The following CEP44 variants were observed in gnomAD, a reference collection of about 807,000 sequenced individuals.
CEP44 encodes the protein centrosomal protein 44.
CEP44 carries 45 observed loss-of-function variants against 46.7 expected under a neutral mutation model. The observed-to-expected ratio is 0.96, with a 90% CI of 0.76 to 1.24. The LOEUF (loss-of-function observed/expected upper bound fraction) is 1.24, where lower values mean the gene tolerates loss of function less well. Ranked by LOEUF, CEP44 falls within the 50% of genes most tolerant of loss-of-function variation. The pLI is 0.00. For synonymous variants in CEP44, 142 were observed against 146.0 expected (o/e 0.97, Z 0.20); for missense variants, 475 against 459.7 (o/e 1.03, Z -0.30).
At chr4:174,303,410 T>C (rs1739988774) in intron 4 of CEP44, among the ~76,000 whole-genome samples, 1 of 152,228 alleles carries the variant, frequency 6.6e-6, no homozygotes, top group Admixed American at 6.5e-5. Flanking sequence ...GTTTTTCTAA[T>C]ATCTCTGAAG....
At position 174,286,790 on chromosome 4, in the gene CEP44, G is replaced by A. The variant is rs1486670121; in HGVS notation, c.-148+2847G>A. 3.3e-5 allele frequency among the ~76,000 whole-genome samples: 5 copies of A among 152,084 alleles called. No homozygotes were observed. Among genetic ancestry groups the A allele is most frequent in the Non-Finnish European group, 7.4e-5 (5 of 67,992 alleles). On this transcript the variant is annotated intron_variant, in intron 1 of 11. Transcript: ENST00000503780. This position sits in a 1 kb window ranked among gnomAD's most constrained non-coding sequence, Gnocchi z 5.2. Reference sequence around the variant, plus strand: ...CAGTTTTTAAAAAATGAATCATTTTGTTTAAAGTCTCAGTTCGTTCAAATC... The same window carrying A: ...CAGTTTTTAAAAAATGAATCATTTTATTTAAAGTCTCAGTTCGTTCAAATC...
chr4:174,302,990 C>T (rs1027793461), intron 4 of CEP44, among the ~76,000 whole-genome samples: 21 of 152,014 alleles, frequency 1.4e-4, no homozygotes, highest in African/African-American at 4.6e-4. Context: ...CCATGTTGGC[C>T]AGGATGGTCT....
intron 6 of CEP44, among the ~76,000 whole-genome samples, chr4:174,306,241 G>A (rs544902048): frequency 5.2e-4 from 79 of 152,002 alleles, no homozygotes; most frequent in African/African-American, 1.7e-3. Context: ...GGACTTCTTC[G>A]TTGTCATTAT....
Position 174,303,781 on chromosome 4 carries a change from A to G in CEP44, c.316A>G (p.Ile106Val). 2 of 1,575,978 alleles carry G rather than the reference A, an allele frequency of 1.3e-6. No homozygotes were observed. Among genetic ancestry groups the G allele is most frequent in the Non-Finnish European group, 1.7e-6 (2 of 1,151,600 alleles). Residue 106 changes from isoleucine to valine, a missense_variant, in exon 5 of 12, where the codon ATC becomes GTC. Transcript: ENST00000503780. ...FIQCGFAEWK[I>V]QIVCDILNCV... ...CCAATGTGGGTTTGCAGAATGGAAA[A>G]TCCAAATTGTTTGTGATATTTTGAA...
chr4:174,296,856 G>A (rs960750643), intron 1 of CEP44, among the ~76,000 whole-genome samples: 20 of 141,740 alleles, frequency 1.4e-4, no homozygotes, highest in African/African-American at 3.7e-4. Flanking sequence ...TATATTTCTC[G>A]TTGTGGTTCT....
Position 174,319,965 on chromosome 4 carries a change from A to G in CEP44, c.*2582A>G, listed in dbSNP as rs943143249. On this transcript the variant is annotated 3_prime_UTR_variant, in exon 12 of 12. Transcript: ENST00000503780. ...GAAGCAGGGGAGTTCTGAAGAGATT[A>G]CCTAGAGCTACATAACCCTAAGTTA... 1.0e-6 allele frequency: 1 copy of G among 985,018 alleles called. No homozygotes were observed. The highest frequency in any genetic ancestry group is 1.2e-6 in the Non-Finnish European group (1 of 829,688). 61.0% of individuals were successfully genotyped at this position (985,018 alleles called of 1,614,324 possible).
At chr4:174,316,664 A>G (rs1231564275) in intron 11 of CEP44, 97 bp downstream of exon 11, 3 of 1,122,336 alleles carry the variant, frequency 2.7e-6, no homozygotes, top group Non-Finnish European at 3.8e-6. Flanking sequence ...TTCAAACCTT[A>G]AAGGTCTCTC....
intron 4 of CEP44, among the ~76,000 whole-genome samples, chr4:174,302,786 T>A (rs2126592931): frequency 6.6e-6 from 1 of 150,944 alleles, no homozygotes; most frequent in Admixed American, 6.6e-5. Context: ...GTAGTCTATT[T>A]TTTTTTTTTT....
In CEP44 at chr4:174,329,061, A is replaced by G. The variant is rs181022328; in HGVS notation, c.1087-2421A>G. Reference sequence around the variant, plus strand: ...CCCTTGGCTCAAGCAATCCTCCCACAGCAGCCACGTGAGTAGCCAGAACTA... The same window carrying G: ...CCCTTGGCTCAAGCAATCCTCCCACGGCAGCCACGTGAGTAGCCAGAACTA... On this transcript the variant is annotated intron_variant, in intron 8 of 8. Transcript: ENST00000426172. This position sits in a 1 kb window ranked among gnomAD's most constrained non-coding sequence, Gnocchi z 4.0. Among the ~76,000 whole-genome samples, 13 of 152,184 alleles carry G rather than the reference A, an allele frequency of 8.5e-5. No individual in the cohort carries two copies. The highest frequency in any genetic ancestry group is 2.9e-4 in the African/African-American group (12 of 41,534).
chr4:174,310,620 C>G lies in CEP44; in HGVS notation c.886-163C>G, dbSNP rs1182880961. ...ATCTGCTTCCATATTTAAAACATTTCTTATATGTAGGAATATGCAGTATAT... is the reference window on the plus strand; with the variant it reads ...ATCTGCTTCCATATTTAAAACATTTGTTATATGTAGGAATATGCAGTATAT... On this transcript the variant is annotated intron_variant, in intron 8 of 11. Coordinates refer to ENST00000503780, the MANE Select transcript of CEP44 (RefSeq NM_001040157.3). The surrounding 1 kb of genome is among the most constrained non-coding windows in gnomAD (Gnocchi z 4.2). Among the ~76,000 whole-genome samples the G allele has an allele frequency of 4.0e-5, 6 of 151,658 alleles. 1 individual carries two copies. In the South Asian group the frequency reaches 8.3e-4, roughly 21 times the overall value.
intron 1 of CEP44, among the ~76,000 whole-genome samples, chr4:174,289,756 T>C (rs939935937): frequency 6.6e-6 from 1 of 152,132 alleles, no homozygotes; most frequent in Non-Finnish European, 1.5e-5. Flanking sequence ...CTTTATTATT[T>C]TCTTCCTTCT....
chr4:174,304,339 T>G lies in CEP44; in HGVS notation c.477T>G (p.Asp159Glu). ...TATCTGCAGAGGCTGTTGGCGTTGA[T>G]ATCAGTGGCAGGTTTATGACCTCAG... ...EKISAEAVGVDISGRFMTSGK... is the reference protein window; with the variant it reads ...EKISAEAVGVEISGRFMTSGK... The change falls in exon 6 of 12, where the codon GAT becomes GAG. Residue 159 changes from aspartate to glutamate, a missense_variant. Physicochemically the swap from Asp to Glu is conservative, Grantham distance 45. Transcript: ENST00000503780. 1 of 1,612,084 alleles carries G rather than the reference T, an allele frequency of 6.2e-7. No homozygotes were observed. Among genetic ancestry groups the G allele is most frequent in the Non-Finnish European group, 8.5e-7 (1 of 1,179,416 alleles).
In CEP44 at chr4:174,314,628, C is replaced by G. The variant is rs1477236982; in HGVS notation, c.962-1538C>G. Reference sequence around the variant, plus strand: ...TTATCTGTCTTCCCGGACCTGTTTCCTTTTCCTAGGGCCCCCTCCTCTTTT... The same window carrying G: ...TTATCTGTCTTCCCGGACCTGTTTCGTTTTCCTAGGGCCCCCTCCTCTTTT... On this transcript the variant is annotated intron_variant, in intron 9 of 11. Coordinates refer to ENST00000503780, the MANE Select transcript of CEP44 (RefSeq NM_001040157.3). The surrounding 1 kb of genome is among the most constrained non-coding windows in gnomAD (Gnocchi z 4.1). 6.6e-6 allele frequency among the ~76,000 whole-genome samples: 1 copy of G among 152,040 alleles called. No individual in the cohort carries two copies. Among genetic ancestry groups the G allele is most frequent in the Non-Finnish European group, 1.5e-5 (1 of 68,036 alleles).
At chr4:174,299,048 T>C in intron 2 of CEP44, 24 bp from the exon 3 acceptor site, 1 of 1,307,596 alleles carries the variant, frequency 7.6e-7, no homozygotes, top group South Asian at 1.3e-5. Context: ...ACTTAACCAG[T>C]ATTTCATGGA....
At chr4:174,327,552 T>A (rs1689254238) in intron 8 of CEP44, among the ~76,000 whole-genome samples, 1 of 152,000 alleles carries the variant, frequency 6.6e-6, no homozygotes, top group Non-Finnish European at 1.5e-5. Context: ...ATTTCCTAAT[T>A]GTAGCAATTA....
In CEP44 at chr4:174,329,673, T is replaced by C. The variant is rs1420446616; in HGVS notation, c.1087-1809T>C. 6.6e-6 allele frequency among the ~76,000 whole-genome samples: 1 copy of C among 152,184 alleles called. No homozygotes were observed. Among genetic ancestry groups the C allele is most frequent in the Non-Finnish European group, 1.5e-5 (1 of 68,014 alleles). ...TTCAAAAGGTACTTCATAACTTTTT[T>C]TTTTAGGTTTAGAGAAAGGATAAGA... On this transcript the variant is annotated intron_variant, in intron 8 of 8. Coordinates refer to the CEP44 transcript ENST00000426172. This position sits in a 1 kb window ranked among gnomAD's most constrained non-coding sequence, Gnocchi z 4.0.
At chr4:174,298,466 C>T (rs142774593) in intron 2 of CEP44, among the ~76,000 whole-genome samples, 62 of 152,240 alleles carry the variant, frequency 4.1e-4, no homozygotes, top group African/African-American at 1.4e-3. Context: ...TGAGCCACCG[C>T]GCCCAGCCAT....
chr4:174,304,421 C>G, intron 6 of CEP44, 52 bp downstream of exon 6: 1 of 1,578,028 alleles, frequency 6.3e-7, no homozygotes, highest in Non-Finnish European at 8.6e-7. Context: ...TCTAATTAAT[C>G]CAATATACAG....
intron 1 of CEP44, chr4:174,284,189 C>T (rs1265858359): frequency 1.0e-5 from 4 of 397,552 alleles, no homozygotes; most frequent in Non-Finnish European, 1.3e-5. Context: ...GGGCGGAGGT[C>T]GCCTCTCTCC....
Sources: allele counts gnomAD v4.1 joint callset (sites outside exome capture counted in the v4.1 genomes callset), GRCh38; gene constraint gnomAD v4.1.1; non-coding constraint Gnocchi (gnomAD v3.1); transcripts MANE v1.5; gene names NCBI Gene and HGNC (gene_info 2026-07-23, HGNC 2026-07-21).